TMEFF2: variants seen among roughly 807,000 people sequenced by gnomAD.
The protein encoded by TMEFF2 is tomoregulin-2.
Under a neutral mutation model 53.8 loss-of-function variants are expected in TMEFF2, and 28 were observed. The observed-to-expected ratio is 0.52, with a 90% CI of 0.39 to 0.71. The LOEUF (loss-of-function observed/expected upper bound fraction) is 0.71, where lower values mean the gene tolerates loss of function less well. Ranked by LOEUF, TMEFF2 falls within the 30% of genes least tolerant of loss-of-function variation. TMEFF2 has a pLI of 0.00. For missense variants in TMEFF2, 353 were observed against 455.2 expected (o/e 0.78, Z 2.04); for synonymous variants, 162 against 166.3 (o/e 0.97, Z 0.20).
chr2:192,155,893 G>C (rs1459925572), intron 4 of TMEFF2, among the ~76,000 whole-genome samples: 1 of 151,886 alleles, frequency 6.6e-6, no homozygotes, highest in African/African-American at 2.4e-5. Flanking sequence ...ATAGCACAGA[G>C]GAACTGAAAC....
intron 4 of TMEFF2, among the ~76,000 whole-genome samples, chr2:192,110,491 AT>A (rs1447629172): frequency 6.6e-6 from 1 of 152,132 alleles, no homozygotes; most frequent in Non-Finnish European, 1.5e-5. Context: ...TCCAACTGTA[AT>A]TTTATTCTTT....
chr2:191,989,301 G>A (rs1479847388), intron 7 of TMEFF2, among the ~76,000 whole-genome samples: 2 of 152,112 alleles, frequency 1.3e-5, no homozygotes, highest in Non-Finnish European at 2.9e-5. Context: ...AGGCCACCCA[G>A]AAATGGAAAC....
At chr2:192,125,804 A>G (rs1209057258) in intron 4 of TMEFF2, among the ~76,000 whole-genome samples, 2 of 152,228 alleles carry the variant, frequency 1.3e-5, no homozygotes, top group Non-Finnish European at 1.5e-5. Flanking sequence ...GTTCTCAATT[A>G]TAAGTGGGAG....
chr2:192,012,178 C>T (rs183650249), intron 5 of TMEFF2, among the ~76,000 whole-genome samples: 2,275 of 152,352 alleles, frequency 0.015, 28 homozygotes, highest in Non-Finnish European at 0.023. Context: ...GCTGGGATTA[C>T]AGGCGTGAGC....
intron 7 of TMEFF2, among the ~76,000 whole-genome samples, chr2:191,982,637 TTA>T (rs1432098757): frequency 6.6e-6 from 1 of 152,098 alleles, no homozygotes; most frequent in African/African-American, 2.4e-5. Flanking sequence ...GTTTTAGAAG[TTA>T]TGAGTTTTAT....
rs1293196767 is a variant in TMEFF2 at position 192,132,160 on chromosome 2, G to A, written c.439+47508C>T. On this transcript the variant is annotated intron_variant, in intron 4 of 9. Transcript: ENST00000272771. ...TCCTCAGCCTCCGCTCCTCCACCCT[G>A]TAATCTTTTTATCACCTCCCCTCCT... Among the ~76,000 whole-genome samples, 35 of 152,068 alleles carry A rather than the reference G, an allele frequency of 2.3e-4. 1 individual carries two copies. The highest frequency in any genetic ancestry group is 3.4e-3 in the Middle Eastern group (1 of 294).
chr2:192,057,671 C>T lies in TMEFF2; in HGVS notation c.536+8G>A. 1 of 1,609,694 alleles carries T rather than the reference C, an allele frequency of 6.2e-7. No individual in the cohort carries two copies. Among genetic ancestry groups the T allele is most frequent in the Non-Finnish European group, 8.5e-7 (1 of 1,176,106 alleles). On this transcript the variant is annotated splice_region_variant and intron_variant, in intron 5 of 9. Transcript: ENST00000272771. Reference sequence around the variant, plus strand: ...ATTTTGTCTAAAAGAATAAAAACAGCATATTACCAGACATCCTCGGCATCT... The same window carrying T: ...ATTTTGTCTAAAAGAATAAAAACAGTATATTACCAGACATCCTCGGCATCT...
intron 7 of TMEFF2, among the ~76,000 whole-genome samples, chr2:191,983,477 A>G (rs1321017913): frequency 6.6e-6 from 1 of 151,834 alleles, no homozygotes; most frequent in Non-Finnish European, 1.5e-5. Context: ...AGGCTAAGGC[A>G]GGAGAACTTT....
At chr2:192,131,827 C>G (rs890593860) in intron 4 of TMEFF2, among the ~76,000 whole-genome samples, 2 of 152,160 alleles carry the variant, frequency 1.3e-5, no homozygotes, top group Non-Finnish European at 2.9e-5. Context: ...GACCCCAATA[C>G]AAACTCGACA....
intron 7 of TMEFF2, among the ~76,000 whole-genome samples, chr2:191,986,383 C>T (rs1472536107): frequency 6.6e-6 from 1 of 152,158 alleles, no homozygotes; most frequent in African/African-American, 2.4e-5. Flanking sequence ...GTTAGGAATA[C>T]TGAATAAGAT....
At chr2:191,998,173 T>A in intron 7 of TMEFF2, 89 bp downstream of exon 7, 1 of 1,036,150 alleles carries the variant, frequency 9.7e-7, no homozygotes, top group Admixed American at 2.5e-5. Context: ...TCTTGCAAGC[T>A]TCACTTTGGA....
intron 5 of TMEFF2, among the ~76,000 whole-genome samples, chr2:192,001,175 A>G (rs1023205731): frequency 6.6e-6 from 1 of 152,142 alleles, no homozygotes; most frequent in African/African-American, 2.4e-5. Context: ...TTGTTGTGTT[A>G]GACTCTAGGA....
At chr2:192,101,599 T>C (rs1033797803) in intron 4 of TMEFF2, among the ~76,000 whole-genome samples, 1 of 152,194 alleles carries the variant, frequency 6.6e-6, no homozygotes, top group African/African-American at 2.4e-5. Context: ...ACTGTTATTT[T>C]ATAAAGAACC....
intron 4 of TMEFF2, among the ~76,000 whole-genome samples, chr2:192,081,532 T>TC (rs1239169384): frequency 1.3e-5 from 2 of 152,222 alleles, no homozygotes; most frequent in Non-Finnish European, 2.9e-5. Flanking sequence ...AATATGCTTT[T>TC]CTTTCCATAG....
intron 4 of TMEFF2, among the ~76,000 whole-genome samples, chr2:192,140,686 GA>G (rs921645861): frequency 1.3e-5 from 2 of 150,932 alleles, no homozygotes; most frequent in East Asian, 3.9e-4. Context: ...GCATGTAGAA[GA>G]AAAAAAAATA....
rs1338340183 is a variant in TMEFF2, at chr2:192,150,249, A to T, written c.439+29419T>A. ...TATACAAACAAGGATAGTGACACACAAGAATTGTTATTAAAATAATCAGGC... is the reference window on the plus strand; with the variant it reads ...TATACAAACAAGGATAGTGACACACTAGAATTGTTATTAAAATAATCAGGC... On this transcript the variant is annotated intron_variant, in intron 4 of 9. Transcript: ENST00000272771. Among the ~76,000 whole-genome samples the T allele has an allele frequency of 3.3e-5, 5 of 151,974 alleles. No homozygotes were observed. In the East Asian group the frequency reaches 7.7e-4, roughly 23 times the overall value.
At chr2:192,061,851 G>A (rs528294235) in intron 4 of TMEFF2, among the ~76,000 whole-genome samples, 30 of 152,098 alleles carry the variant, frequency 2.0e-4, no homozygotes, top group African/African-American at 4.3e-4. Flanking sequence ...GAACCTCTTC[G>A]TTCTCTCTCT....
At position 191,953,731 on chromosome 2, in the gene TMEFF2, T is replaced by C. The variant is rs1242355320; in HGVS notation, c.976A>G (p.Ile326Val). The C allele has an allele frequency of 3.7e-6, 6 of 1,614,106 alleles. No individual in the cohort carries two copies. The highest frequency in any genetic ancestry group is 1.7e-5 in the Admixed American group (1 of 60,006). ...RFQYVLIAAV[I>V]GTIQIAVICV... ...ATGACAGCAATCTGAATTGTTCCAA[T>C]CACAGCTGCGATTAAGACATACTGA... The change falls in exon 9 of 10, where the codon ATT becomes GTT. Residue 326 changes from isoleucine (I) to valine (V), a missense_variant. This residue lies in a region of TMEFF2 where 294 missense variants were observed against 397.3 expected (regional missense o/e 0.74). Transcript: ENST00000272771.
chr2:192,054,915 G>A lies in TMEFF2; in HGVS notation c.536+2764C>T, dbSNP rs544379330. ...TGAGAAAAAAAAACAGTATACAAATGGATAAAACCCATAGTAAACAACCAA... is the reference window on the plus strand; with the variant it reads ...TGAGAAAAAAAAACAGTATACAAATAGATAAAACCCATAGTAAACAACCAA... On this transcript the variant is annotated intron_variant, in intron 5 of 9. Coordinates refer to ENST00000272771, the MANE Select transcript of TMEFF2 (RefSeq NM_016192.4). Among the ~76,000 whole-genome samples the A allele has an allele frequency of 2.6e-5, 4 of 151,824 alleles. No homozygotes were observed. The East Asian group carries it at 5.8e-4, about 22-fold the overall frequency.
Sources: gnomAD v4.1 joint callset for allele counts (sites outside exome capture counted in the v4.1 genomes callset) on GRCh38, gnomAD v4.1.1 for gene constraint, gnomAD v4.1.1 regional missense constraint, MANE v1.5 for transcripts, NCBI Gene and HGNC (gene_info 2026-07-23, HGNC 2026-07-21) for gene names.